The following POT1 variants were observed in gnomAD, a reference collection of about 807,000 sequenced individuals.
POT1 encodes protection of telomeres 1, also known as protection of telomeres protein 1.
A neutral mutation model predicts 78.5 loss-of-function variants in POT1; 47 were observed. The ratio of observed to expected loss-of-function variants is 0.60; its 90% CI spans 0.47 to 0.76. The LOEUF (loss-of-function observed/expected upper bound fraction) is 0.76. Among genes scored for constraint, POT1 ranks in the 30% least tolerant of loss-of-function variants. The probability of loss-of-function intolerance (pLI) is 0.00; values close to 1 mark genes in which losing one functional copy is unlikely to be tolerated. For missense variants in POT1, 646 were observed against 749.9 expected, an observed-to-expected ratio of 0.86 and a Z score of 1.62; for synonymous variants, 259 against 260.7, an observed-to-expected ratio of 0.99 and a Z score of 0.06.
At chr7:124,866,958 T>G (rs543262469) in intron 7 of POT1, among the ~76,000 whole-genome samples, 12 of 152,316 alleles carry the variant, frequency 7.9e-5, no homozygotes, top group Middle Eastern at 3.4e-3. Context: ...TGCTTCTCTT[T>G]TATACTCCAA....
intron 12 of POT1, among the ~76,000 whole-genome samples, chr7:124,845,868 T>G (rs1324511287): frequency 6.6e-6 from 1 of 152,174 alleles, no homozygotes; most frequent in Non-Finnish European, 1.5e-5. Context: ...TTATTTGTTT[T>G]GATGCTCAAA....
chr7:124,921,102 A>T (rs1041502524), intron 2 of POT1, among the ~76,000 whole-genome samples: 1 of 152,142 alleles, frequency 6.6e-6, no homozygotes, highest in Admixed American at 6.6e-5. Context: ...TCTCTTAAGC[A>T]AACAAATAAG....
intron 3 of POT1, among the ~76,000 whole-genome samples, chr7:124,904,653 A>C (rs1357933018): frequency 6.6e-6 from 1 of 152,154 alleles, no homozygotes; most frequent in Non-Finnish European, 1.5e-5. Context: ...CAGGGCAATC[A>C]GGCAGGAGAA....
chr7:124,869,747 G>A (rs928103090), intron 7 of POT1, among the ~76,000 whole-genome samples: 26 of 151,984 alleles, frequency 1.7e-4, no homozygotes, highest in African/African-American at 5.3e-4. Context: ...ACGCCCGGCT[G>A]ATTTTGTATT....
At chr7:124,858,616 C>T (rs540182121) in intron 9 of POT1, among the ~76,000 whole-genome samples, 5 of 151,888 alleles carry the variant, frequency 3.3e-5, no homozygotes, top group Non-Finnish European at 7.4e-5. Flanking sequence ...AACCAGTTTA[C>T]CAAGCTTAGC....
intron 16 of POT1, chr7:124,828,833 A>C (rs1163607237): frequency 2.8e-5 from 14 of 505,972 alleles, no homozygotes; most frequent in Non-Finnish European, 5.5e-5. Flanking sequence ...AAACAAAACC[A>C]AGTGTACAAA....
rs901036386 is a variant in POT1, at chr7:124,849,859, C to A, written c.949+2013G>T. 8.5e-5 allele frequency among the ~76,000 whole-genome samples: 13 copies of A among 152,066 alleles called. No homozygotes were observed. In the East Asian group the frequency reaches 2.1e-3, roughly 25 times the overall value. On this transcript the variant is annotated intron_variant, in intron 11 of 18. Transcript: ENST00000357628. ...GCAACTATTTATTATAGTGTGATTTCATTTTGGTAAAAATTTAAGAGAAAG... is the reference window on the plus strand; with the variant it reads ...GCAACTATTTATTATAGTGTGATTTAATTTTGGTAAAAATTTAAGAGAAAG...
chr7:124,892,591 C>A, intron 5 of POT1: 1 of 340,992 alleles, frequency 2.9e-6, no homozygotes, highest in South Asian at 9.6e-5. Context: ...AATTTGCACA[C>A]TAGCTCATAA....
intron 15 of POT1, among the ~76,000 whole-genome samples, chr7:124,831,515 C>T (rs1016681535): frequency 3.3e-5 from 5 of 151,996 alleles, no homozygotes; most frequent in African/African-American, 1.2e-4. Context: ...TTTTTTACTA[C>T]AACCACATCA....
intron 9 of POT1, 126 bp from the exon 10 acceptor site, chr7:124,853,264 T>A (rs1002325371): frequency 4.4e-6 from 3 of 679,824 alleles, no homozygotes; most frequent in Admixed American, 3.0e-5. Context: ...TACTAAAGTA[T>A]CTGCAAAGTA....
chr7:124,831,618 T>C (rs1794760135), intron 15 of POT1, among the ~76,000 whole-genome samples: 1 of 152,154 alleles, frequency 6.6e-6, no homozygotes, highest in African/African-American at 2.4e-5. Flanking sequence ...TTCATTATGG[T>C]CTGTAAATGA....
chr7:124,824,111 T>A (rs1346947750), intron 18 of POT1, 37 bp from the exon 19 acceptor site: 1 of 1,268,974 alleles, frequency 7.9e-7, no homozygotes, highest in Non-Finnish European at 1.1e-6. Context: ...ATTTAACCAT[T>A]AAAACAAAAT....
intron 9 of POT1, chr7:124,853,627 AAAT>A (rs764242708): frequency 6.6e-6 from 1 of 152,334 alleles, no homozygotes; most frequent in Non-Finnish European, 1.5e-5. Flanking sequence ...TACTACCGAA[AAAT>A]AATAAACATC....
At chr7:124,888,209 G>A (rs1447159660) in intron 6 of POT1, among the ~76,000 whole-genome samples, 1 of 151,884 alleles carries the variant, frequency 6.6e-6, no homozygotes, top group African/African-American at 2.4e-5. Context: ...AGCCCCATTT[G>A]GTGAAGAGAC....
rs66826272 is a variant in POT1 at position 124,835,242 on chromosome 7, TAAACAAAACA to T, written c.1505+27_1505+36del. Reference sequence around the variant, plus strand: ...ATGACCCCAGAACTTAAAAGTATAATAAACAAAACAAAACAAAACAAAACAAAACAAAATA... The same window carrying T: ...ATGACCCCAGAACTTAAAAGTATAATAAACAAAACAAAACAAAACAAAATA... On this transcript the variant is annotated intron_variant, in intron 15 of 18. Coordinates refer to ENST00000357628, the MANE Select transcript of POT1 (RefSeq NM_015450.3). 5.0e-4 allele frequency: 788 copies of T among 1,577,386 alleles called. 15 individuals are homozygous for T. The South Asian group carries it at 5.8e-3, about 12-fold the overall frequency.
At chr7:124,911,058 CATTT>C (rs1277080163) in intron 3 of POT1, among the ~76,000 whole-genome samples, 6 of 152,058 alleles carry the variant, frequency 3.9e-5, no homozygotes, top group Admixed American at 3.9e-4. Flanking sequence ...TTGCACCTGA[CATTT>C]ATTTAACATT....
At chr7:124,860,136 T>C (rs1184386256) in intron 8 of POT1, among the ~76,000 whole-genome samples, 1 of 151,778 alleles carries the variant, frequency 6.6e-6, no homozygotes, top group Non-Finnish European at 1.5e-5. Flanking sequence ...AGAAAATCAC[T>C]GTCCGGAAAA....
At chr7:124,904,956 AAGG>A (rs1335167184) in intron 3 of POT1, among the ~76,000 whole-genome samples, 3 of 152,222 alleles carry the variant, frequency 2.0e-5, no homozygotes, top group African/African-American at 4.8e-5. Context: ...GGACCTCTTC[AAGG>A]AGAACTACAA....
At position 124,871,043 on chromosome 7, in the gene POT1, T is replaced by C. The variant is rs1562997292; in HGVS notation, c.125-2A>G. 1 of 1,567,200 alleles carries C rather than the reference T, an allele frequency of 6.4e-7. No homozygotes were observed. Among genetic ancestry groups the C allele is most frequent in the Non-Finnish European group, 8.6e-7 (1 of 1,157,758 alleles). ...CAATAGTTACAACTGAGCAATAATC[T>C]GGAAAACACAAAAATATTTTACCTG... On this transcript the variant is annotated splice_acceptor_variant, in intron 6 of 18. Coordinates refer to ENST00000357628, the MANE Select transcript of POT1 (RefSeq NM_015450.3). LOFTEE classifies it high-confidence loss of function.
Sources: allele counts gnomAD v4.1 joint callset (sites outside exome capture counted in the v4.1 genomes callset), GRCh38; gene constraint gnomAD v4.1.1; transcripts MANE v1.5; gene names NCBI Gene and HGNC (gene_info 2026-07-23, HGNC 2026-07-21).